WDR20: variants seen among roughly 807,000 people sequenced by gnomAD.
The protein encoded by WDR20 is WD repeat-containing protein 20.
A neutral mutation model predicts 38.7 loss-of-function variants in WDR20; 3 were observed. The ratio of observed to expected loss-of-function variants is 0.08; its 90% confidence interval spans 0.04 to 0.20. WDR20 has a LOEUF of 0.20. WDR20 is among the 10% of genes least tolerant of loss of function. The probability of loss-of-function intolerance (pLI) is 1.00; values close to 1 mark genes in which losing one functional copy is unlikely to be tolerated. For missense variants in WDR20, 559 were observed against 727.7 expected, an observed-to-expected ratio of 0.77 and a Z score of 2.67; for synonymous variants, 298 against 285.6, an observed-to-expected ratio of 1.04 and a Z score of -0.44.
At chr14:102,211,669 C>T (rs2062554461), downstream of WDR20, among the ~76,000 whole-genome samples, 1 of 152,216 alleles carries the variant, frequency 6.6e-6, no homozygotes, top group Non-Finnish European at 1.5e-5. This position sits in a 1 kb window ranked among gnomAD's most constrained non-coding sequence, Gnocchi z 4.2. Context: ...GTAGCCATGA[C>T]AGCCATCCTT....
intron 1 of WDR20, among the ~76,000 whole-genome samples, chr14:102,170,212 CCATTGTGTA>C (rs2060540816): frequency 4.6e-5 from 7 of 152,082 alleles, no homozygotes; most frequent in Admixed American, 4.6e-4. Flanking sequence ...GTACAATATC[CCATTGTGTA>C]CATTTATCAT....
intron 1 of WDR20, among the ~76,000 whole-genome samples, chr14:102,173,009 G>C (rs1261883915): frequency 1.3e-5 from 2 of 150,932 alleles, no homozygotes; most frequent in African/African-American, 2.4e-5. Context: ...CATCTCAGAC[G>C]ATGGGCGGCC....
At chr14:102,195,219 A>T (rs1381105398) in intron 2 of WDR20, 99 bp downstream of exon 2, 4 of 1,362,952 alleles carry the variant, frequency 2.9e-6, no homozygotes, top group African/African-American at 1.5e-5. Context: ...AGCTAAGCCC[A>T]TTTTTTATTC....
intron 2 of WDR20, among the ~76,000 whole-genome samples, chr14:102,204,411 T>C (rs1412393689): frequency 6.6e-6 from 1 of 152,194 alleles, no homozygotes; most frequent in Non-Finnish European, 1.5e-5. Context: ...CGTTCTCTTC[T>C]CTCCCTGGTT....
Position 102,209,844 on chromosome 14 carries a change from G to A in WDR20, c.1674G>A (p.Trp558Ter), listed in dbSNP as rs367575817. The part of the protein sequence containing the change: ...TACQEGFICT[W>*]GRPGKVVSFN... ...GTCAGGAGGGATTTATTTGCACATG[G>A]GGAAGGCCTGGTAAAGTGGTAAGTT... The change falls in exon 3 of 3, where the codon TGG becomes TGA. Residue 558 changes from tryptophan (W) to a stop codon, truncating the protein, a stop_gained. Coordinates refer to ENST00000342702, the MANE Select transcript of WDR20 (RefSeq NM_144574.4). LOFTEE classifies it high-confidence loss of function. This position sits in a 1 kb window ranked among gnomAD's most constrained non-coding sequence, Gnocchi z 6.0. 1 of 1,612,754 alleles carries A rather than the reference G, an allele frequency of 6.2e-7. No individual in the cohort carries two copies. Among genetic ancestry groups the A allele is most frequent in the Non-Finnish European group, 8.5e-7 (1 of 1,179,294 alleles).
chr14:102,184,705 C>T (rs1332177096), intron 1 of WDR20, among the ~76,000 whole-genome samples: 1 of 152,142 alleles, frequency 6.6e-6, no homozygotes, highest in African/African-American at 2.4e-5. Flanking sequence ...GACTGTGTGT[C>T]TCTTCTCATT....
chr14:102,143,692 G>A (rs2052379450), intron 1 of WDR20, among the ~76,000 whole-genome samples: 1 of 151,812 alleles, frequency 6.6e-6, no homozygotes, highest in East Asian at 2.0e-4. Context: ...CTACAGGTGC[G>A]TACCACCACG....
At position 102,209,560 on chromosome 14, in the gene WDR20, CT is replaced by C; in HGVS notation, c.1393del (p.Ser465HisfsTer31). On this transcript the variant is annotated frameshift_variant, in exon 3 of 3. Transcript: ENST00000342702. LOFTEE classifies it high-confidence loss of function. This position sits in a 1 kb window ranked among gnomAD's most constrained non-coding sequence, Gnocchi z 6.0. ...IASGVSKFAT[L>X]SLHDRKERHH... ...TTCTGGGGTCAGCAAATTTGCAACA[CT>C]TTCACTACATGACCGGAAGGAGAGG... 6.2e-7 allele frequency: 1 copy of C among 1,614,214 alleles called. No homozygotes were observed. Among genetic ancestry groups the C allele is most frequent in the Non-Finnish European group, 8.5e-7 (1 of 1,180,042 alleles).
chr14:102,149,939 C>T (rs2055154261), intron 1 of WDR20, among the ~76,000 whole-genome samples: 1 of 152,020 alleles, frequency 6.6e-6, no homozygotes, highest in African/African-American at 2.4e-5. Context: ...GTGATCCACC[C>T]GCCTTGGCCT....
At chr14:102,219,616 C>T (rs565642771), downstream of WDR20, among the ~76,000 whole-genome samples, 42 of 152,354 alleles carry the variant, frequency 2.8e-4, no homozygotes, top group African/African-American at 9.9e-4. Context: ...CTCTGACGGG[C>T]GGGCTCCAGG....
chr14:102,173,968 C>T (rs1031588441), intron 1 of WDR20, among the ~76,000 whole-genome samples: 15 of 150,476 alleles, frequency 1.0e-4, no homozygotes, highest in Admixed American at 1.3e-4. Context: ...GGTGTGAACC[C>T]GGGAGGCGGA....
At chr14:102,172,018 A>G (rs1052780623) in intron 1 of WDR20, among the ~76,000 whole-genome samples, 1 of 151,278 alleles carries the variant, frequency 6.6e-6, no homozygotes, top group Non-Finnish European at 1.5e-5. Context: ...CAAGTGAACA[A>G]AGGTCTCTGG....
At position 102,161,423 on chromosome 14, in the gene WDR20, T is replaced by C. The variant is rs1184995826; in HGVS notation, c.249+21251T>C. On this transcript the variant is annotated intron_variant, in intron 1 of 2. Transcript: ENST00000342702. ...CAGCCTCCTGGTCTCAAGCAACTCTTTGACCTCAGCCTCCTGAGTAGCTGG... is the reference window on the plus strand; with the variant it reads ...CAGCCTCCTGGTCTCAAGCAACTCTCTGACCTCAGCCTCCTGAGTAGCTGG... 2.0e-5 allele frequency among the ~76,000 whole-genome samples: 3 copies of C among 151,408 alleles called. No individual in the cohort carries two copies. The East Asian group carries it at 5.8e-4, about 29-fold the overall frequency.
At chr14:102,166,231 A>G (rs1410058548) in intron 1 of WDR20, among the ~76,000 whole-genome samples, 1 of 151,748 alleles carries the variant, frequency 6.6e-6, no homozygotes, top group Admixed American at 6.6e-5. Flanking sequence ...TGCCCGTCTC[A>G]GCCTCCCCTA....
Position 102,207,574 on chromosome 14 carries a change from A to G in WDR20, c.433-1029A>G, listed in dbSNP as rs533405352. Among the ~76,000 whole-genome samples, 65 of 152,254 alleles carry G rather than the reference A, an allele frequency of 4.3e-4. No homozygotes were observed. Among genetic ancestry groups the G allele is most frequent in the African/African-American group, 1.5e-3 (63 of 41,556 alleles). On this transcript the variant is annotated intron_variant, in intron 2 of 2. Transcript: ENST00000342702. The surrounding 1 kb of genome is among the most constrained non-coding windows in gnomAD (Gnocchi z 5.0). ...CTAAAGGGACACTGTTACTGGGGCG[A>G]TGGTGCAGTGGAGAGCACTTGGCAG...
At chr14:102,216,822 C>T (rs1030886074), downstream of WDR20, among the ~76,000 whole-genome samples, 1 of 152,080 alleles carries the variant, frequency 6.6e-6, no homozygotes, top group South Asian at 2.1e-4. Flanking sequence ...CCCAGCTACT[C>T]GGAAGGCTGA....
At chr14:102,213,103 C>A (rs763616702), downstream of WDR20, 43 of 986,296 alleles carry the variant, frequency 4.4e-5, no homozygotes, top group Non-Finnish European at 5.1e-5. Flanking sequence ...AGCTTCAACT[C>A]GCCCTCCTTG....
At chr14:102,169,130 CCCCTCCCCGTCCCA>C (rs973142273) in intron 1 of WDR20, among the ~76,000 whole-genome samples, 1 of 152,128 alleles carries the variant, frequency 6.6e-6, no homozygotes, top group Non-Finnish European at 1.5e-5. Flanking sequence ...AGCAGCTGCA[CCCCTCCCCGTCCCA>C]CCCGTGGAGC....
downstream of WDR20, among the ~76,000 whole-genome samples, chr14:102,219,918 C>T (rs776520306): frequency 6.6e-6 from 1 of 152,230 alleles, no homozygotes; most frequent in Non-Finnish European, 1.5e-5. Flanking sequence ...GAGAGTGGGA[C>T]AGTGGAGGGC....
Sources: allele counts gnomAD v4.1 joint callset (sites outside exome capture counted in the v4.1 genomes callset), GRCh38; gene constraint gnomAD v4.1.1; non-coding constraint Gnocchi (gnomAD v3.1); transcripts MANE v1.5; gene names NCBI Gene and HGNC (gene_info 2026-07-23, HGNC 2026-07-21).